Variants in ICA1L observed in about 807,000 individuals in gnomAD.
The protein encoded by ICA1L is islet cell autoantigen 1-like protein.
A neutral mutation model predicts 61.3 loss-of-function variants in ICA1L; 50 were observed. That is an observed-to-expected ratio of 0.82 (90% confidence interval 0.65 to 1.03). The LOEUF (loss-of-function observed/expected upper bound fraction) is 1.03, where lower values mean the gene tolerates loss of function less well. Ranked by LOEUF, ICA1L falls within the 50% of genes least tolerant of loss-of-function variation. The pLI, the probability that ICA1L is intolerant of heterozygous loss-of-function variation, is 0.00. For missense variants in ICA1L, 508 were observed against 556.7 expected, an observed-to-expected ratio of 0.91 and a Z score of 0.88; for synonymous variants, 161 against 191.3, an observed-to-expected ratio of 0.84 and a Z score of 1.31.
In ICA1L at chr2:202,792,706, T is replaced by G. The variant is rs770567185; in HGVS notation, c.986-3619A>C. ...CTGTAGTCCCAGCTACTGGGGAGGC[T>G]GAGGCAGGAGAATCACTTGAACCCA... On this transcript the variant is annotated intron_variant, in intron 10 of 12. Transcript: ENST00000358299. Among the ~76,000 whole-genome samples, 5 of 152,034 alleles carry G rather than the reference T, an allele frequency of 3.3e-5. 1 individual carries two copies. Among genetic ancestry groups the G allele is most frequent in the Non-Finnish European group, 7.4e-5 (5 of 68,026 alleles).
chr2:202,786,426 G>C (rs2105819139), intron 11 of ICA1L, among the ~76,000 whole-genome samples: 1 of 152,070 alleles, frequency 6.6e-6, no homozygotes, highest in East Asian at 1.9e-4. Context: ...GCGGGCGCCT[G>C]TAGTCCCAGC....
Position 202,774,789 on chromosome 2 carries a change from G to A in ICA1L, c.*4744C>T, listed in dbSNP as rs943523505. On this transcript the variant is annotated 3_prime_UTR_variant, in exon 13 of 13. Transcript: ENST00000358299. ...GGCAGGGGCCACCCATATCACACTG[G>A]GCCAGGTGCTCACAGCCTGTTTGTG... is the stretch of plus-strand genomic sequence containing the variant. 1.3e-5 allele frequency: 2 copies of A among 153,572 alleles called. No individual in the cohort carries two copies. Among genetic ancestry groups the A allele is most frequent in the African/African-American group, 4.8e-5 (2 of 41,510 alleles). The allele number at this position is 153,572 out of a possible 1,614,324, so 9.5% of individuals were successfully genotyped here. A position where few individuals can be genotyped will look rare whatever the true frequency, so the allele number is the denominator to read the frequency against.
intron 1 of ICA1L, among the ~76,000 whole-genome samples, chr2:202,832,862 T>C (rs1424847174): frequency 6.6e-6 from 1 of 151,988 alleles, no homozygotes; most frequent in East Asian, 1.9e-4. Context: ...TACCAAAAAT[T>C]ACCAATCTAA....
intron 9 of ICA1L, among the ~76,000 whole-genome samples, chr2:202,801,412 G>GT (rs748582873): frequency 6.6e-6 from 1 of 152,260 alleles, no homozygotes; most frequent in South Asian, 2.1e-4. Flanking sequence ...CAAAGGCTTA[G>GT]TTTTTTATTC....
At chr2:202,806,748 C>T (rs542907704) in intron 9 of ICA1L, among the ~76,000 whole-genome samples, 2 of 152,080 alleles carry the variant, frequency 1.3e-5, no homozygotes, top group Non-Finnish European at 2.9e-5. Flanking sequence ...TTACCTCTAT[C>T]CCTAATGTCC....
intron 1 of ICA1L, among the ~76,000 whole-genome samples, chr2:202,853,209 T>G (rs1355562894): frequency 2.6e-5 from 4 of 151,654 alleles, no homozygotes; most frequent in Non-Finnish European, 5.9e-5. Context: ...ATACAAAAAT[T>G]AGCTGGGCGT....
intron 1 of ICA1L, chr2:202,840,640 C>T: frequency 1.7e-6 from 1 of 583,306 alleles, no homozygotes; most frequent in Non-Finnish European, 3.3e-6. Context: ...CCAGGGCCAG[C>T]CTGATGTTCG....
chr2:202,811,930 A>G (rs980523800), intron 8 of ICA1L, 141 bp from the exon 9 acceptor site: 8 of 682,478 alleles, frequency 1.2e-5, no homozygotes, highest in South Asian at 5.3e-5. Flanking sequence ...CCTAAAATCT[A>G]TATCTGGTGA....
chr2:202,820,194 C>T (rs773860826), intron 4 of ICA1L, among the ~76,000 whole-genome samples: 69 of 152,034 alleles, frequency 4.5e-4, no homozygotes, highest in Non-Finnish European at 5.9e-4. Context: ...GCCAACACGG[C>T]GAAACCCTGT....
intron 1 of ICA1L, among the ~76,000 whole-genome samples, chr2:202,851,411 T>C (rs866909601): frequency 2.3e-4 from 35 of 152,330 alleles, no homozygotes; most frequent in South Asian, 6.2e-4. Context: ...CAGTCTATCA[T>C]TGATGGACAT....
At chr2:202,781,839 T>C (rs192390868) in intron 12 of ICA1L, among the ~76,000 whole-genome samples, 50 of 152,266 alleles carry the variant, frequency 3.3e-4, no homozygotes, top group Middle Eastern at 6.8e-3. Flanking sequence ...AAACTGCCAG[T>C]TTTCCAAGTG....
intron 2 of ICA1L, among the ~76,000 whole-genome samples, chr2:202,827,446 G>C (rs1229882728): frequency 8.6e-5 from 13 of 151,736 alleles, no homozygotes; most frequent in African/African-American, 2.9e-4. Context: ...GACTATGCTT[G>C]ATTATTTTTT....
At chr2:202,814,618 A>G (rs1693477989) in intron 8 of ICA1L, 84 bp downstream of exon 8, 1 of 860,906 alleles carries the variant, frequency 1.2e-6, no homozygotes, top group Non-Finnish European at 1.9e-6. Flanking sequence ...ATTCAGTAAG[A>G]GAAGAAACAA....
Position 202,819,770 on chromosome 2 carries a change from T to G in ICA1L, c.489A>C (p.Leu163=), listed in dbSNP as rs1218804824. The change falls in exon 5 of 13, where the codon CTA becomes CTC. Residue 163 remains leucine (L), a synonymous_variant. Coordinates refer to ENST00000358299, the MANE Select transcript of ICA1L (RefSeq NM_001288622.3). ...CTTGGGATACATCTTTCATCCACAGTAGAGCTCCTCTGTATTCTGTGCGTG... is the reference window on the plus strand; with the variant it reads ...CTTGGGATACATCTTTCATCCACAGGAGAGCTCCTCTGTATTCTGTGCGTG... ...EQARTEYRGA[L]LWMKDVSQEL... is the part of the protein sequence containing the mutation. 1 of 1,613,908 alleles carries G rather than the reference T, an allele frequency of 6.2e-7. No homozygotes were observed. Among genetic ancestry groups the G allele is most frequent in the African/African-American group, 1.3e-5 (1 of 74,908 alleles).
chr2:202,801,716 A>G (rs1693090182), intron 9 of ICA1L, among the ~76,000 whole-genome samples: 1 of 152,254 alleles, frequency 6.6e-6, no homozygotes, highest in Admixed American at 6.5e-5. Context: ...GCAAGCGAAG[A>G]AGAAAGGCAG....
At chr2:202,807,190 C>T (rs1285110805) in intron 9 of ICA1L, among the ~76,000 whole-genome samples, 1 of 152,200 alleles carries the variant, frequency 6.6e-6, no homozygotes, top group Non-Finnish European at 1.5e-5. Flanking sequence ...GTTTTAACTA[C>T]GTATCACTGA....
At chr2:202,846,015 G>A (rs538813874) in intron 1 of ICA1L, among the ~76,000 whole-genome samples, 13 of 152,038 alleles carry the variant, frequency 8.6e-5, no homozygotes, top group Non-Finnish European at 1.8e-4. Flanking sequence ...TCAGAGTGAC[G>A]GTTTATAAAT....
intron 1 of ICA1L, chr2:202,841,475 C>A: frequency 1.2e-6 from 1 of 863,500 alleles, no homozygotes; most frequent in South Asian, 1.3e-5. Context: ...ATGGAGGAGG[C>A]AAATTTGTTG....
intron 1 of ICA1L, among the ~76,000 whole-genome samples, chr2:202,833,465 G>T (rs1430473476): frequency 2.0e-5 from 3 of 152,112 alleles, no homozygotes; most frequent in Non-Finnish European, 4.4e-5. Context: ...TGAGCCTTTA[G>T]TCCCAGCTAC....
Sources: allele counts gnomAD v4.1 joint callset (sites outside exome capture counted in the v4.1 genomes callset), GRCh38; gene constraint gnomAD v4.1.1; transcripts MANE v1.5; gene names NCBI Gene and HGNC (gene_info 2026-07-23, HGNC 2026-07-21).